Variants in GABRA3 observed in about 807,000 individuals in gnomAD.
GABRA3 encodes gamma-aminobutyric acid receptor subunit alpha-3.
GABRA3 carries 10 observed loss-of-function variants against 30.1 expected under a neutral mutation model. That is an observed-to-expected ratio of 0.33 (90% confidence interval 0.20 to 0.56). The LOEUF is 0.56. Ranked by LOEUF, GABRA3 falls within the 20% of genes least tolerant of loss-of-function variation. The pLI, the probability that GABRA3 is intolerant of heterozygous loss-of-function variation, is 0.89. For synonymous variants in GABRA3, 151 were observed against 146.8 expected, an observed-to-expected ratio of 1.03 and a Z score of -0.21; for missense variants, 233 against 392.0, an observed-to-expected ratio of 0.59 and a Z score of 3.42.
intron 1 of GABRA3, among the ~76,000 whole-genome samples, chrX:152,444,732 G>GGTTTTTTTTTTTT (rs1931019495): frequency 4.3e-5 from 1 of 23,230 alleles, no homozygotes; most frequent in African/African-American, 1.7e-4. Flanking sequence ...TAATACTTGT[G>GGTTTTTTTTTTTT]TGTTTTTTTT....
intron 1 of GABRA3, among the ~76,000 whole-genome samples, chrX:152,384,282 T>C (rs1204759635): frequency 1.8e-5 from 2 of 111,670 alleles, no homozygotes; most frequent in Non-Finnish European, 3.8e-5. Flanking sequence ...TTAATGTTTT[T>C]CAATCTCCAT....
chrX:152,431,797 T>C (rs187003533), intron 1 of GABRA3, among the ~76,000 whole-genome samples: 17 of 111,194 alleles, frequency 1.5e-4, no homozygotes, highest in Admixed American at 1.1e-3. Flanking sequence ...TTGCTGACTT[T>C]GAAGATGGGG....
At chrX:152,422,443 T>G (rs2049898) in intron 1 of GABRA3, among the ~76,000 whole-genome samples, 57,522 of 109,481 alleles carry the variant, frequency 0.53, 13,171 homozygotes, top group Non-Finnish European at 0.72. Flanking sequence ...ATGGTTCTGG[T>G]GTGTTAATTT....
chrX:152,383,722 A>G (rs1474473837), intron 1 of GABRA3, among the ~76,000 whole-genome samples: 1 of 109,426 alleles, frequency 9.1e-6, no homozygotes, highest in African/African-American at 3.3e-5. Flanking sequence ...GATAAAGGCC[A>G]TACATGCCAA....
At chrX:152,240,398 C>T (rs1938334931) in intron 5 of GABRA3, among the ~76,000 whole-genome samples, 1 of 90,416 alleles carries the variant, frequency 1.1e-5, no homozygotes, top group South Asian at 5.5e-4. Context: ...TTGAGGGTAA[C>T]CCGACCTTTC....
At chrX:152,178,442 G>A (rs182003001) in intron 9 of GABRA3, among the ~76,000 whole-genome samples, 1 of 111,569 alleles carries the variant, frequency 9.0e-6, no homozygotes, top group African/African-American at 3.3e-5. Flanking sequence ...TACAATTGCA[G>A]GAATGACCCA....
intron 7 of GABRA3, among the ~76,000 whole-genome samples, chrX:152,201,357 G>C (rs951769549): frequency 1.2e-4 from 6 of 51,654 alleles, no homozygotes; most frequent in East Asian, 3.5e-4. Context: ...AAATATTCAA[G>C]GGTACAATAT....
At chrX:152,215,207 G>A (rs901807932) in intron 6 of GABRA3, among the ~76,000 whole-genome samples, 17 of 108,992 alleles carry the variant, frequency 1.6e-4, no homozygotes, top group Non-Finnish European at 3.1e-4. Context: ...GAGAAGTGGT[G>A]AGACTGGGTA....
chrX:152,357,665 C>T (rs778331669), intron 2 of GABRA3, among the ~76,000 whole-genome samples: 1 of 111,812 alleles, frequency 8.9e-6, no homozygotes, highest in South Asian at 3.7e-4. Context: ...GTTGCAATTG[C>T]TTTTCATGTC....
intron 1 of GABRA3, among the ~76,000 whole-genome samples, chrX:152,406,611 G>T (rs750636980): frequency 5.7e-5 from 6 of 105,686 alleles, no homozygotes; most frequent in Admixed American, 5.2e-4. Context: ...TATGGCAAAT[G>T]TTATTAGAGC....
At chrX:152,178,567 A>G (rs1255815830) in intron 9 of GABRA3, among the ~76,000 whole-genome samples, 1 of 112,131 alleles carries the variant, frequency 8.9e-6, no homozygotes, top group African/African-American at 3.2e-5. Flanking sequence ...ATTTGAAAAT[A>G]AAAAAAGAAA....
At chrX:152,263,672 A>G (rs185775364) in intron 4 of GABRA3, among the ~76,000 whole-genome samples, 1 of 111,769 alleles carries the variant, frequency 8.9e-6, no homozygotes, top group African/African-American at 3.2e-5. Flanking sequence ...ATTGAAAGGG[A>G]CAATAAAAGA....
At chrX:152,288,246 T>C (rs1939332833) in intron 3 of GABRA3, among the ~76,000 whole-genome samples, 1 of 111,924 alleles carries the variant, frequency 8.9e-6, no homozygotes, top group Non-Finnish European at 1.9e-5. Context: ...AGCCCCATTT[T>C]CTGGCTAAGA....
At chrX:152,294,448 A>G (rs1939486502) in intron 3 of GABRA3, among the ~76,000 whole-genome samples, 2 of 111,267 alleles carry the variant, frequency 1.8e-5, no homozygotes, top group Admixed American at 9.6e-5. Context: ...TGCGTCACAT[A>G]GTTCTCGTGC....
chrX:152,196,939 C>T (rs1463382761), intron 8 of GABRA3, among the ~76,000 whole-genome samples: 3 of 112,267 alleles, frequency 2.7e-5, no homozygotes, highest in African/African-American at 9.7e-5. Context: ...TGTGTGGATA[C>T]CAAGTACACT....
intron 4 of GABRA3, among the ~76,000 whole-genome samples, chrX:152,258,430 G>A (rs1938674362): frequency 9.0e-6 from 1 of 111,306 alleles, no homozygotes; most frequent in South Asian, 3.7e-4. Context: ...TACTATGAAG[G>A]ATAAAAACAA....
At chrX:152,311,995 C>A (rs887155249) in intron 3 of GABRA3, among the ~76,000 whole-genome samples, 1 of 111,710 alleles carries the variant, frequency 9.0e-6, no homozygotes, top group Non-Finnish European at 1.9e-5. Flanking sequence ...AGGAATACAG[C>A]TAACCACGGA....
chrX:152,180,117 A>T (rs772650485), intron 9 of GABRA3, among the ~76,000 whole-genome samples: 1 of 111,563 alleles, frequency 9.0e-6, no homozygotes, highest in African/African-American at 3.3e-5. Context: ...TTCTATTTTT[A>T]ATTTTTTCAG....
intron 8 of GABRA3, among the ~76,000 whole-genome samples, chrX:152,190,264 A>T (rs2124347507): frequency 9.1e-6 from 1 of 110,281 alleles, no homozygotes; most frequent in African/African-American, 3.3e-5. Context: ...ATTAGAAAAA[A>T]AAAAACTAGC....
Sources: gnomAD v4.1 joint callset for allele counts (sites outside exome capture counted in the v4.1 genomes callset) on GRCh38, gnomAD v4.1.1 for gene constraint, MANE v1.5 for transcripts, NCBI Gene and HGNC (gene_info 2026-07-23, HGNC 2026-07-21) for gene names.